The following PCDH15 variants were observed in gnomAD, a reference collection of about 807,000 sequenced individuals.
PCDH15 encodes protocadherin related 15, also known as protocadherin-15.
Under a neutral mutation model 178.5 loss-of-function variants are expected in PCDH15, and 129 were observed. The observed-to-expected ratio is 0.72, with a 90% CI of 0.63 to 0.84. The LOEUF is 0.84. Among genes scored for constraint, PCDH15 ranks in the 40% least tolerant of loss-of-function variants. The pLI is 0.00. For synonymous variants in PCDH15, 800 were observed against 732.0 expected (o/e 1.09, Z -1.50); for missense variants, 2,230 against 2,099.9 (o/e 1.06, Z -1.21).
intron 3 of PCDH15, among the ~76,000 whole-genome samples, chr10:54,483,351 T>C (rs1386432610): frequency 6.6e-6 from 1 of 151,800 alleles, no homozygotes; most frequent in Non-Finnish European, 1.5e-5. Context: ...GGTGTGGGAT[T>C]TTGAGCAAAA....
chr10:55,303,757 C>T (rs151056113), intron 1 of PCDH15, among the ~76,000 whole-genome samples: 52 of 151,722 alleles, frequency 3.4e-4, no homozygotes, highest in Non-Finnish European at 5.7e-4. Flanking sequence ...TAGTGATATT[C>T]TTTATTTCAT....
intron 2 of PCDH15, chr10:54,600,028 G>T: frequency 7.5e-7 from 1 of 1,339,848 alleles, no homozygotes; most frequent in Non-Finnish European, 1.0e-6. Context: ...AAAAGCAGAA[G>T]TGGGGAAAGG....
chr10:54,520,855 A>G (rs897191920), intron 3 of PCDH15, among the ~76,000 whole-genome samples: 4 of 151,548 alleles, frequency 2.6e-5, no homozygotes, highest in African/African-American at 9.7e-5. Flanking sequence ...AAAATGTGGC[A>G]CATATACACC....
At chr10:55,544,139 C>CACATATATATATATAT (rs1841824855) in intron 2 of PCDH15, among the ~76,000 whole-genome samples, 1 of 54,346 alleles carries the variant, frequency 1.8e-5, no homozygotes, top group Non-Finnish European at 3.5e-5. Context: ...CTTATACATA[C>CACATATATATATATAT]ATATATATAT....
chr10:55,529,566 G>A (rs1250477150), intron 2 of PCDH15, among the ~76,000 whole-genome samples: 1 of 151,340 alleles, frequency 6.6e-6, no homozygotes, highest in African/African-American at 2.4e-5. Flanking sequence ...ATCCATGTGA[G>A]AGATACAAGA....
At chr10:53,849,836 G>T (rs1204710386) in intron 28 of PCDH15, among the ~76,000 whole-genome samples, 1 of 127,648 alleles carries the variant, frequency 7.8e-6, no homozygotes, top group East Asian at 2.6e-4. Flanking sequence ...ACTCCAGCCT[G>T]TGCGACAGAG....
At chr10:53,887,655 G>A (rs778676526) in intron 26 of PCDH15, among the ~76,000 whole-genome samples, 12 of 152,136 alleles carry the variant, frequency 7.9e-5, no homozygotes, top group East Asian at 1.9e-4. Flanking sequence ...TTGGGAGGCC[G>A]AGGCGGGCGG....
chr10:53,962,806 T>G (rs1466683437), intron 21 of PCDH15, among the ~76,000 whole-genome samples: 1 of 152,216 alleles, frequency 6.6e-6, no homozygotes, highest in African/African-American at 2.4e-5. Context: ...AAAATTTTGC[T>G]GGCTGTCCTC....
intron 9 of PCDH15, among the ~76,000 whole-genome samples, chr10:54,215,250 T>C (rs2051883113): frequency 6.6e-6 from 1 of 152,132 alleles, no homozygotes; most frequent in Non-Finnish European, 1.5e-5. Context: ...GGCTGCCAGA[T>C]GTTAAAACAC....
chr10:54,030,276 G>GGGAGGTT (rs1209515437), intron 18 of PCDH15, among the ~76,000 whole-genome samples: 3 of 152,022 alleles, frequency 2.0e-5, no homozygotes, highest in African/African-American at 7.2e-5. Context: ...CTGTTGATCA[G>GGGAGGTT]GGAGGTTGGG....
intron 3 of PCDH15, among the ~76,000 whole-genome samples, chr10:54,512,940 C>T (rs2081854634): frequency 6.6e-6 from 1 of 151,964 alleles, no homozygotes; most frequent in South Asian, 2.1e-4. Flanking sequence ...AAGAATTAGA[C>T]AGTATTTTTA....
intron 8 of PCDH15, among the ~76,000 whole-genome samples, chr10:54,252,290 T>C (rs2056545036): frequency 6.6e-6 from 1 of 152,186 alleles, no homozygotes; most frequent in South Asian, 2.1e-4. Context: ...CTAATGCAGA[T>C]ACTAGTAGCT....
chr10:54,247,319 G>C (rs1436411474), intron 8 of PCDH15, among the ~76,000 whole-genome samples: 3 of 151,878 alleles, frequency 2.0e-5, no homozygotes, highest in Non-Finnish European at 4.4e-5. Flanking sequence ...ACTTTCTTGA[G>C]AGCAAAGTGA....
chr10:53,808,674 C>T (rs2075747087), intron 37 of PCDH15: 2 of 1,605,888 alleles, frequency 1.2e-6, no homozygotes, highest in African/African-American at 2.7e-5. Context: ...GCAAAACTTC[C>T]ACCTACTGTG....
intron 2 of PCDH15, among the ~76,000 whole-genome samples, chr10:55,382,248 T>C (rs996309889): frequency 6.6e-6 from 1 of 152,152 alleles, no homozygotes; most frequent in African/African-American, 2.4e-5. Context: ...AATGGTCCCC[T>C]AAAGAGGCTT....
chr10:55,485,870 T>C (rs1438197515), intron 2 of PCDH15, among the ~76,000 whole-genome samples: 2 of 151,732 alleles, frequency 1.3e-5, no homozygotes, highest in African/African-American at 4.8e-5. Context: ...CTTGCTTTCC[T>C]TTTGGGGTCT....
intron 2 of PCDH15, among the ~76,000 whole-genome samples, chr10:54,931,804 C>G (rs763330064): frequency 6.6e-6 from 1 of 152,082 alleles, no homozygotes; most frequent in African/African-American, 2.4e-5. Context: ...TTTGTAGTTT[C>G]AGAAAGCATT....
intron 21 of PCDH15, among the ~76,000 whole-genome samples, chr10:53,974,023 C>T (rs1260361600): frequency 2.0e-5 from 3 of 151,854 alleles, no homozygotes; most frequent in Non-Finnish European, 4.4e-5. Flanking sequence ...GTTTATTTTA[C>T]CTTATTTTTC....
At chr10:55,246,884 A>C (rs1841691635) in intron 1 of PCDH15, among the ~76,000 whole-genome samples, 1 of 152,132 alleles carries the variant, frequency 6.6e-6, no homozygotes, top group African/African-American at 2.4e-5. Flanking sequence ...AAACAGCACA[A>C]AATGCAAAAT....
Sources: allele counts gnomAD v4.1 joint callset (sites outside exome capture counted in the v4.1 genomes callset), GRCh38; gene constraint gnomAD v4.1.1; transcripts MANE v1.5; gene names NCBI Gene and HGNC (gene_info 2026-07-23, HGNC 2026-07-21).